The following MYPN variants were observed in gnomAD, a reference collection of about 807,000 sequenced individuals.
MYPN encodes the protein sarcomeric protein myopalladin, 145 kDa (MYOP).
Under a neutral mutation model 129.4 loss-of-function variants are expected in MYPN, and 63 were observed. The ratio of observed to expected loss-of-function variants is 0.49; its 90% CI spans 0.40 to 0.60. The LOEUF (loss-of-function observed/expected upper bound fraction) is 0.60. MYPN is among the 20% of genes least tolerant of loss of function. The pLI is 0.00. For synonymous variants in MYPN, 629 were observed against 600.9 expected, an observed-to-expected ratio of 1.05 and a Z score of -0.68; for missense variants, 1,596 against 1,635.4, an observed-to-expected ratio of 0.98 and a Z score of 0.42.
chr10:68,166,683 A>G lies in MYPN; in HGVS notation c.1973+17A>G, dbSNP rs778574912. On this transcript the variant is annotated intron_variant, in intron 10 of 19. Coordinates refer to ENST00000358913, the MANE Select transcript of MYPN (RefSeq NM_032578.4). ...ACCCAAACTGTAAGTAAAAAGTAGG[A>G]TGAATAACCAGGAGCTTCTGTGATC... 1.8e-5 allele frequency: 29 copies of G among 1,613,598 alleles called. No individual in the cohort carries two copies. Among genetic ancestry groups the G allele is most frequent in the Non-Finnish European group, 2.5e-5 (29 of 1,179,954 alleles).
Position 68,202,065 on chromosome 10 carries a change from G to T in MYPN, c.3659+71G>T, listed in dbSNP as rs1039906953. 3.2e-6 allele frequency: 5 copies of T among 1,546,844 alleles called. No homozygotes were observed. The South Asian group carries it at 4.5e-5, about 14-fold the overall frequency. On this transcript the variant is annotated intron_variant, in intron 18 of 19. Coordinates refer to ENST00000358913, the MANE Select transcript of MYPN (RefSeq NM_032578.4). Reference sequence around the variant, plus strand: ...CTTGTTGCGCCACCCAAATAAGTCTGCTGCTATTTGAGTCTGGCTTACTTC... The same window carrying T: ...CTTGTTGCGCCACCCAAATAAGTCTTCTGCTATTTGAGTCTGGCTTACTTC...
At chr10:68,175,569 C>A in intron 12 of MYPN, 108 bp downstream of exon 12, 1 of 1,233,338 alleles carries the variant, frequency 8.1e-7, no homozygotes, top group Admixed American at 1.7e-5. Flanking sequence ...GCTGATGTTG[C>A]AGCTCAGATG....
In MYPN at chr10:68,210,554, T is replaced by A. The variant is rs1308239641; in HGVS notation, c.*99T>A. On this transcript the variant is annotated 3_prime_UTR_variant, in exon 20 of 20. Coordinates refer to ENST00000358913, the MANE Select transcript of MYPN (RefSeq NM_032578.4). ...TCCAAGCAACCGAAGTTGAGTAAGT[T>A]CCCACACTGCTGGACCTGTGGCAAA... is the stretch of plus-strand genomic sequence containing the variant. 7.2e-7 allele frequency: 1 copy of A among 1,396,582 alleles called. No individual in the cohort carries two copies. Among genetic ancestry groups the A allele is most frequent in the Admixed American group, 1.7e-5 (1 of 59,594 alleles). 86.5% of individuals were successfully genotyped at this position (1,396,582 alleles called of 1,614,324 possible). A position where few individuals can be genotyped will look rare whatever the true frequency, so the allele number is the denominator to read the frequency against.
upstream of MYPN, among the ~76,000 whole-genome samples, chr10:68,101,187 G>A (rs891873982): frequency 5.3e-5 from 8 of 152,032 alleles, no homozygotes; most frequent in Non-Finnish European, 7.4e-5. Flanking sequence ...ACATAAATAC[G>A]TAAAAAAAGA....
intron 13 of MYPN, among the ~76,000 whole-genome samples, chr10:68,193,283 C>G (rs921751579): frequency 6.6e-6 from 1 of 151,926 alleles, no homozygotes; most frequent in Non-Finnish European, 1.5e-5. Flanking sequence ...AAAACCCCAT[C>G]AGGAATGAGA....
chr10:68,089,666 A>C (rs2041922173), intron 1 of MYPN, among the ~76,000 whole-genome samples: 1 of 151,982 alleles, frequency 6.6e-6, no homozygotes, highest in Non-Finnish European at 1.5e-5. Context: ...TTTTTAAGAG[A>C]ATGCTTAAGT....
In MYPN at chr10:68,199,483, A is replaced by G; in HGVS notation, c.3401A>G (p.Asp1134Gly). Residue 1134 changes from aspartate to glycine, a missense_variant, in exon 17 of 20, where the codon GAC becomes GGC. Asp to Gly is a moderately conservative substitution (Grantham distance 94). Coordinates refer to ENST00000358913, the MANE Select transcript of MYPN (RefSeq NM_032578.4). Reference sequence around the variant, plus strand: ...ACCGGAGTCCACTCTCTGCTCATTGACCCACTCACTCAGCGCGACGCAGGG... The same window carrying G: ...ACCGGAGTCCACTCTCTGCTCATTGGCCCACTCACTCAGCGCGACGCAGGG... ...RETGVHSLLI[D>G]PLTQRDAGTY... The G allele has an allele frequency of 6.2e-7, 1 of 1,614,106 alleles. No individual in the cohort carries two copies. Among genetic ancestry groups the G allele is most frequent in the Non-Finnish European group, 8.5e-7 (1 of 1,180,028 alleles).
intron 10 of MYPN, among the ~76,000 whole-genome samples, chr10:68,169,456 T>A (rs2043112154): frequency 6.6e-6 from 1 of 152,028 alleles, no homozygotes; most frequent in South Asian, 2.1e-4. Flanking sequence ...CTCAGGTACG[T>A]CGGTTAGGAT....
At chr10:68,128,877 T>C (rs1281492923) in intron 2 of MYPN, among the ~76,000 whole-genome samples, 1 of 152,100 alleles carries the variant, frequency 6.6e-6, no homozygotes, top group Non-Finnish European at 1.5e-5. Flanking sequence ...AGTTAATTGG[T>C]GAGTTTAAGA....
chr10:68,138,798 T>C (rs2042527839), intron 2 of MYPN, among the ~76,000 whole-genome samples: 1 of 152,198 alleles, frequency 6.6e-6, no homozygotes, highest in African/African-American at 2.4e-5. Flanking sequence ...CATCACACTG[T>C]GGTTTAGGAA....
At chr10:68,161,867 A>G (rs1159143961) in intron 8 of MYPN, 115 bp downstream of exon 8, 1 of 879,338 alleles carries the variant, frequency 1.1e-6, no homozygotes, top group Non-Finnish European at 1.8e-6. Context: ...TTTTAGGAAA[A>G]AAAGATCCAA....
Position 68,175,428 on chromosome 10 carries a change from A to G in MYPN, c.2670A>G (p.Lys890=), listed in dbSNP as rs1260227911. 1 of 1,614,094 alleles carries G rather than the reference A, an allele frequency of 6.2e-7. No homozygotes were observed. Among genetic ancestry groups the G allele is most frequent in the Admixed American group, 1.7e-5 (1 of 60,004 alleles). The change falls in exon 12 of 20, where the codon AAA becomes AAG. Residue 890 remains lysine (K), a synonymous_variant. Coordinates refer to ENST00000358913, the MANE Select transcript of MYPN (RefSeq NM_032578.4). ...KNAVIRDLGK[K]ITFSDVRPNQ... is the part of the protein sequence containing the mutation. ...CAGTGATTCGAGACTTGGGGAAAAA[A>G]ATAACTTTCAGTGATGTCAGACCAA...
exon 1 of MYPN, among the ~76,000 whole-genome samples, chr10:68,087,942 G>A (rs913486814): frequency 2.6e-5 from 4 of 152,160 alleles, no homozygotes; most frequent in Admixed American, 6.5e-5. Context: ...TGGGAGTCCC[G>A]GCTGGAACTA....
rs772628299 is a variant in MYPN at position 68,121,475 on chromosome 10, T to A, written c.37T>A (p.Ser13Thr). Residue 13 changes from serine to threonine, a missense_variant, in exon 2 of 20, where the codon TCT becomes ACT. Physicochemically the swap from Ser to Thr is moderately conservative, Grantham distance 58. Coordinates refer to ENST00000358913, the MANE Select transcript of MYPN (RefSeq NM_032578.4). ...DDSIEASTSI[S>T]QLLRESYLAE... The stretch of plus-strand genomic sequence containing the variant: ...CAGCATAGAAGCTTCTACTTCCATA[T>A]CTCAGCTTCTAAGAGAGAGCTATTT... 6.2e-7 allele frequency: 1 copy of A among 1,613,524 alleles called. No homozygotes were observed. The highest frequency in any genetic ancestry group is 8.5e-7 in the Non-Finnish European group (1 of 1,179,666).
chr10:68,151,277 A>C (rs1042309713), intron 6 of MYPN, among the ~76,000 whole-genome samples: 4 of 152,222 alleles, frequency 2.6e-5, no homozygotes, highest in African/African-American at 9.7e-5. Flanking sequence ...GTTTTCCAAA[A>C]CCCAGAGTGG....
chr10:68,171,267 A>C (rs556625705), intron 10 of MYPN, among the ~76,000 whole-genome samples: 1 of 152,352 alleles, frequency 6.6e-6, no homozygotes, highest in African/African-American at 2.4e-5. Context: ...TTTAAAAGTG[A>C]GATAATGTCA....
intron 5 of MYPN, among the ~76,000 whole-genome samples, chr10:68,148,682 G>A (rs545586406): frequency 9.2e-5 from 14 of 152,276 alleles, no homozygotes; most frequent in South Asian, 2.1e-4. Context: ...GAGAAGAAAC[G>A]CTTTACAAAT....
At chr10:68,194,323 T>G in intron 13 of MYPN, 40 bp from the exon 14 acceptor site, 1 of 1,608,070 alleles carries the variant, frequency 6.2e-7, no homozygotes, top group Non-Finnish European at 8.5e-7. Flanking sequence ...CCTCTAAAGA[T>G]AAACAAAACA....
chr10:68,136,542 A>G, intron 2 of MYPN: 1 of 1,427,218 alleles, frequency 7.0e-7, no homozygotes. Context: ...TCCCTGCCTA[A>G]TTTCTAAGTG....
Sources: allele counts gnomAD v4.1 joint callset (sites outside exome capture counted in the v4.1 genomes callset), GRCh38; gene constraint gnomAD v4.1.1; transcripts MANE v1.5; gene names NCBI Gene and HGNC (gene_info 2026-07-23, HGNC 2026-07-21).